Variants in ZNF131 observed in about 807,000 individuals in gnomAD.
The protein encoded by ZNF131 is zinc finger protein 131.
Under a neutral mutation model 60.0 loss-of-function variants are expected in ZNF131, and 7 were observed. The observed-to-expected ratio is 0.12, with a 90% confidence interval of 0.07 to 0.22. The LOEUF is 0.22. ZNF131 is among the 10% of genes least tolerant of loss of function. The pLI is 1.00. For missense variants in ZNF131, 493 were observed against 740.9 expected (o/e 0.67, Z 3.88); for synonymous variants, 257 against 253.2 (o/e 1.01, Z -0.14).
chr5:43,168,429 G>T (rs902751733), intron 5 of ZNF131, among the ~76,000 whole-genome samples: 1 of 152,120 alleles, frequency 6.6e-6, no homozygotes, highest in African/African-American at 2.4e-5. Context: ...CAGAGGGTTA[G>T]GTCCAATTAG....
chr5:43,164,803 A>G (rs865867050), intron 5 of ZNF131, among the ~76,000 whole-genome samples: 3 of 152,232 alleles, frequency 2.0e-5, no homozygotes, highest in Admixed American at 1.3e-4. Flanking sequence ...TAATTTAAGT[A>G]GTTGTTATAA....
chr5:43,122,988 C>T (rs1744067048), intron 2 of ZNF131, among the ~76,000 whole-genome samples: 1 of 152,148 alleles, frequency 6.6e-6, no homozygotes, highest in Non-Finnish European at 1.5e-5. Context: ...CTTTATAAAA[C>T]TAAAGGGGTT....
At chr5:43,162,956 TTCTTTTATTTGCC>T in intron 5 of ZNF131, among the ~76,000 whole-genome samples, 1 of 103,910 alleles carries the variant, frequency 9.6e-6, no homozygotes. Flanking sequence ...TATACTTCTT[TTCTTTTATTTGCC>T]TTTTTTTTTT....
intron 6 of ZNF131, 41 bp downstream of exon 6, chr5:43,173,489 C>G: frequency 6.3e-7 from 1 of 1,588,006 alleles, no homozygotes; most frequent in Non-Finnish European, 8.6e-7. Context: ...ACAAAGGAGT[C>G]TTGTGTTTGC....
intron 4 of ZNF131, among the ~76,000 whole-genome samples, chr5:43,146,328 C>T (rs1260012877): frequency 6.6e-6 from 1 of 152,164 alleles, no homozygotes; most frequent in Non-Finnish European, 1.5e-5. Context: ...TGGCTCACGC[C>T]TGTAATCCCA....
intron 5 of ZNF131, chr5:43,167,919 A>G (rs1430083532): frequency 2.2e-6 from 1 of 445,644 alleles, no homozygotes; most frequent in South Asian, 1.6e-5. Flanking sequence ...AAAGGAATTT[A>G]TTTCTTACAG....
chr5:43,151,555 C>T (rs545194616), intron 4 of ZNF131, among the ~76,000 whole-genome samples: 7 of 152,268 alleles, frequency 4.6e-5, no homozygotes, highest in Non-Finnish European at 4.4e-5. Context: ...CTGCCTCAGC[C>T]TCCCTAGTAG....
chr5:43,163,301 A>G (rs1288188419), intron 5 of ZNF131, among the ~76,000 whole-genome samples: 1 of 152,124 alleles, frequency 6.6e-6, no homozygotes, highest in Non-Finnish European at 1.5e-5. Context: ...TTTAATGTAC[A>G]TTGAGTTACC....
chr5:43,131,547 A>G (rs1262835864), intron 3 of ZNF131, among the ~76,000 whole-genome samples: 1 of 152,132 alleles, frequency 6.6e-6, no homozygotes, highest in Non-Finnish European at 1.5e-5. Flanking sequence ...TCCCCCTCAC[A>G]AGATTGTCAA....
intron 4 of ZNF131, among the ~76,000 whole-genome samples, chr5:43,144,237 C>CTTTTTTTTTTTTTT (rs935655531): frequency 4.6e-5 from 3 of 65,318 alleles, no homozygotes; most frequent in African/African-American, 6.1e-5. Context: ...TTCTTTCTTT[C>CTTTTTTTTTTTTTT]TTTTTTTTTT....
chr5:43,134,390 C>T (rs891422031), intron 3 of ZNF131, among the ~76,000 whole-genome samples: 1 of 152,066 alleles, frequency 6.6e-6, no homozygotes, highest in Non-Finnish European at 1.5e-5. Flanking sequence ...TAATAAAGGC[C>T]CACAGCTAGC....
intron 1 of ZNF131, chr5:43,121,512 T>G (rs1266873625): frequency 6.6e-6 from 1 of 152,190 alleles, no homozygotes; most frequent in South Asian, 2.0e-4. Flanking sequence ...CTCGACGCGG[T>G]GACGGTGTGC....
intron 4 of ZNF131, among the ~76,000 whole-genome samples, chr5:43,148,159 C>G (rs1747859547): frequency 1.3e-5 from 2 of 149,410 alleles, no homozygotes; most frequent in African/African-American, 4.9e-5. Flanking sequence ...ATACCTTGAT[C>G]CCAGGAGTTC....
intron 4 of ZNF131, among the ~76,000 whole-genome samples, chr5:43,160,632 A>C (rs2111933355): frequency 6.7e-6 from 1 of 150,084 alleles, no homozygotes; most frequent in Non-Finnish European, 1.5e-5. Context: ...TATTTTTCCC[A>C]TACACATAAT....
chr5:43,171,343 C>T (rs1441022678), intron 5 of ZNF131, among the ~76,000 whole-genome samples: 1 of 152,164 alleles, frequency 6.6e-6, no homozygotes, highest in Admixed American at 6.6e-5. Flanking sequence ...AACCATGTCC[C>T]ATCTATCATT....
chr5:43,174,584 T>C lies in ZNF131; in HGVS notation c.1323T>C (p.Asp441=). 1.2e-6 allele frequency: 2 copies of C among 1,612,972 alleles called. No homozygotes were observed. The highest frequency in any genetic ancestry group is 1.7e-6 in the Non-Finnish European group (2 of 1,179,420). The change falls in exon 7 of 7, where the codon GAT becomes GAC. Residue 441 remains aspartate (D), a synonymous_variant. Transcript: ENST00000682664. ...QGNELRRHLS[D]AHNISERLVT... is the part of the protein sequence containing the mutation. ...ATGAATTAAGGAGGCATCTCAGTGATGCTCACAATATTTCAGAGCGTCTAG... is the reference window on the plus strand; with the variant it reads ...ATGAATTAAGGAGGCATCTCAGTGACGCTCACAATATTTCAGAGCGTCTAG...
intron 4 of ZNF131, chr5:43,143,519 A>G (rs941623130): frequency 1.4e-6 from 1 of 731,062 alleles, no homozygotes; most frequent in South Asian, 2.0e-5. Context: ...TGAGCCAGAC[A>G]TCGTTTCTTA....
At chr5:43,168,011 CCATGCAGGGCA>C (rs1750570471) in intron 5 of ZNF131, 1 of 447,212 alleles carries the variant, frequency 2.2e-6, no homozygotes, top group Admixed American at 2.4e-5. Flanking sequence ...AGTCCTGAGG[CCATGCAGGGCA>C]TCACATGGTG....
At chr5:43,124,131 A>G (rs1224569649) in intron 3 of ZNF131, 2 of 152,098 alleles carry the variant, frequency 1.3e-5, no homozygotes, top group Admixed American at 6.6e-5. Context: ...AAGTGGTGTT[A>G]TTTGTAATAA....
Sources: allele counts gnomAD v4.1 joint callset (sites outside exome capture counted in the v4.1 genomes callset), GRCh38; gene constraint gnomAD v4.1.1; transcripts MANE v1.5; gene names NCBI Gene and HGNC (gene_info 2026-07-23, HGNC 2026-07-21).